XKR4: variants seen among roughly 807,000 people sequenced by gnomAD.
The protein encoded by XKR4 is XK related 4.
Under a neutral mutation model 53.9 loss-of-function variants are expected in XKR4, and 12 were observed. That is an observed-to-expected ratio of 0.22 (90% CI 0.14 to 0.36). The LOEUF is 0.36. Among genes scored for constraint, XKR4 ranks in the 10% least tolerant of loss-of-function variants. XKR4 has a pLI of 1.00. For synonymous variants in XKR4, 354 were observed against 362.4 expected (o/e 0.98, Z 0.26); for missense variants, 799 against 859.5 (o/e 0.93, Z 0.88).
intron 2 of XKR4, among the ~76,000 whole-genome samples, chr8:55,358,394 G>A (rs1803852254): frequency 7.0e-6 from 1 of 143,818 alleles, no homozygotes; most frequent in Non-Finnish European, 1.5e-5. Context: ...AAAGAAAGAA[G>A]GTCATAAAGG....
chr8:55,265,596 G>A (rs1330900429), intron 1 of XKR4, among the ~76,000 whole-genome samples: 1 of 152,184 alleles, frequency 6.6e-6, no homozygotes, highest in Non-Finnish European at 1.5e-5. Flanking sequence ...GCTCATTCCT[G>A]TAATCCCAGC....
chr8:55,471,341 T>A (rs991584525), intron 2 of XKR4, among the ~76,000 whole-genome samples: 5 of 152,060 alleles, frequency 3.3e-5, no homozygotes, highest in African/African-American at 1.2e-4. Flanking sequence ...CTAAGAGCAA[T>A]GAGTTAAGCC....
At chr8:55,182,291 C>A (rs1042488263) in intron 1 of XKR4, among the ~76,000 whole-genome samples, 4 of 151,766 alleles carry the variant, frequency 2.6e-5, no homozygotes, top group African/African-American at 9.7e-5. Context: ...CAATTTTTTT[C>A]TTTTATGGAT....
At chr8:55,164,195 C>T (rs779604765) in intron 1 of XKR4, 45 of 456,514 alleles carry the variant, frequency 9.9e-5, no homozygotes, top group East Asian at 3.5e-4. Flanking sequence ...TTGCCTCGTC[C>T]GCCGCCTCCC....
intron 1 of XKR4, among the ~76,000 whole-genome samples, chr8:55,318,489 T>A (rs1162164969): frequency 6.6e-6 from 1 of 152,178 alleles, no homozygotes; most frequent in South Asian, 2.1e-4. Flanking sequence ...TAGCAGTTTG[T>A]CCCAAACTCG....
intron 1 of XKR4, among the ~76,000 whole-genome samples, chr8:55,220,107 A>G (rs1817861562): frequency 6.6e-6 from 1 of 152,212 alleles, no homozygotes; most frequent in Admixed American, 6.5e-5. Context: ...GAGGTGATAG[A>G]TATGTCAATT....
intron 2 of XKR4, among the ~76,000 whole-genome samples, chr8:55,413,090 G>C (rs1194081149): frequency 1.3e-5 from 2 of 152,204 alleles, no homozygotes; most frequent in Non-Finnish European, 2.9e-5. Flanking sequence ...CTTGTGTCCA[G>C]TTACTAATAT....
In XKR4 at chr8:55,539,321, A is replaced by T. The variant is rs1807071026; in HGVS notation, c.*15094A>T. The T allele has an allele frequency of 6.6e-6, 1 of 152,214 alleles. No individual in the cohort carries two copies. Among genetic ancestry groups the T allele is most frequent in the African/African-American group, 2.4e-5 (1 of 41,454 alleles). The allele number at this position is 152,214 out of a possible 1,614,324, so 9.4% of individuals were successfully genotyped here. ...CATTGTGCCCTTATTTAAGGATTAT[A>T]TTCCATTGTGAAAAAAATGTGCACA... On this transcript the variant is annotated 3_prime_UTR_variant, in exon 3 of 3. Coordinates refer to ENST00000327381, the MANE Select transcript of XKR4 (RefSeq NM_052898.2).
chr8:55,209,011 G>C (rs1373575085), intron 1 of XKR4, among the ~76,000 whole-genome samples: 1 of 152,094 alleles, frequency 6.6e-6, no homozygotes, highest in Non-Finnish European at 1.5e-5. Flanking sequence ...TGGTTTTCTT[G>C]GTCTTTTTTT....
chr8:55,365,707 C>CA (rs397932881), intron 2 of XKR4, among the ~76,000 whole-genome samples: 12,084 of 75,620 alleles, frequency 0.16, 791 homozygotes, highest in South Asian at 0.19. Context: ...AACTTCGTCT[C>CA]AAAAAAAAAA....
chr8:55,427,583 T>G (rs959552719), intron 2 of XKR4, among the ~76,000 whole-genome samples: 4 of 152,196 alleles, frequency 2.6e-5, no homozygotes, highest in Middle Eastern at 3.2e-3. Flanking sequence ...TTCTCACCAT[T>G]TCTCTAAAAT....
chr8:55,204,969 G>A (rs1817625765), intron 1 of XKR4, among the ~76,000 whole-genome samples: 1 of 152,120 alleles, frequency 6.6e-6, no homozygotes, highest in South Asian at 2.1e-4. Context: ...TTGGTGCCTG[G>A]CTAGGCACTG....
intron 2 of XKR4, among the ~76,000 whole-genome samples, chr8:55,392,839 G>A (rs2129388871): frequency 6.6e-6 from 1 of 152,206 alleles, no homozygotes; most frequent in African/African-American, 2.4e-5. Flanking sequence ...GTTCAAAAGA[G>A]GGGAAGAGTG....
intron 1 of XKR4, among the ~76,000 whole-genome samples, chr8:55,171,043 G>T (rs2129358455): frequency 6.6e-6 from 1 of 152,216 alleles, no homozygotes; most frequent in Non-Finnish European, 1.5e-5. Flanking sequence ...AATATTTCCT[G>T]GGAATAGCCA....
intron 2 of XKR4, among the ~76,000 whole-genome samples, chr8:55,515,205 A>G (rs1806694602): frequency 1.3e-5 from 2 of 152,242 alleles, no homozygotes; most frequent in Admixed American, 6.5e-5. Flanking sequence ...GGATTACCAA[A>G]AGAAAGTATA....
intron 1 of XKR4, among the ~76,000 whole-genome samples, chr8:55,158,964 C>T (rs1008765994): frequency 6.6e-6 from 1 of 152,076 alleles, no homozygotes; most frequent in Non-Finnish European, 1.5e-5. Flanking sequence ...GACATTCTGG[C>T]TCTTTTTTGG....
At chr8:55,434,362 A>G (rs1305169865) in intron 2 of XKR4, among the ~76,000 whole-genome samples, 1 of 152,130 alleles carries the variant, frequency 6.6e-6, no homozygotes, top group African/African-American at 2.4e-5. Flanking sequence ...TAAAAATTTA[A>G]TATGAGTTTG....
rs1816085287 is a variant in XKR4 at position 55,103,313 on chromosome 8, G to GA, written c.806+23dup. The GA allele has an allele frequency of 6.4e-7, 1 of 1,570,056 alleles. No homozygotes were observed. Among genetic ancestry groups the GA allele is most frequent in the African/African-American group, 1.4e-5 (1 of 73,746 alleles). ...TCTGGAGGTACTGTAATGGGTGGGG[G>GA]AAAAGGGAGGCTTGCTGCTGCTACT... is the stretch of plus-strand genomic sequence containing the variant. On this transcript the variant is annotated intron_variant, in intron 1 of 2. Coordinates refer to ENST00000327381, the MANE Select transcript of XKR4 (RefSeq NM_052898.2).
chr8:55,494,450 C>T (rs56081101), intron 2 of XKR4, among the ~76,000 whole-genome samples: 3,346 of 152,302 alleles, frequency 0.022, 59 homozygotes, highest in Middle Eastern at 0.034. Flanking sequence ...CTTTTAGCCC[C>T]GCCATTCAAT....
Sources: gnomAD v4.1 joint callset for allele counts (sites outside exome capture counted in the v4.1 genomes callset) on GRCh38, gnomAD v4.1.1 for gene constraint, MANE v1.5 for transcripts, NCBI Gene and HGNC (gene_info 2026-07-23, HGNC 2026-07-21) for gene names.